The following PTPRG variants were observed in gnomAD, a reference collection of about 807,000 sequenced individuals.
The protein encoded by PTPRG is receptor-type tyrosine-protein phosphatase gamma.
A neutral mutation model predicts 165.3 loss-of-function variants in PTPRG; 102 were observed. The observed-to-expected ratio is 0.62, with a 90% CI of 0.53 to 0.73. The LOEUF is 0.73. Ranked by LOEUF, PTPRG falls within the 30% of genes least tolerant of loss-of-function variation. PTPRG has a pLI of 0.00. For synonymous variants in PTPRG, 675 were observed against 669.5 expected (o/e 1.01, Z -0.13); for missense variants, 1,866 against 1,861.4 (o/e 1.00, Z -0.05).
chr3:62,178,039 T>C (rs1400233117), intron 8 of PTPRG, among the ~76,000 whole-genome samples: 2 of 62,808 alleles, frequency 3.2e-5, no homozygotes, highest in Non-Finnish European at 2.9e-5. Flanking sequence ...GGATGGGTTG[T>C]TGGGTGGGTG....
chr3:62,061,099 A>G (rs144779447), intron 4 of PTPRG, among the ~76,000 whole-genome samples: 150 of 152,330 alleles, frequency 9.8e-4, no homozygotes, highest in African/African-American at 3.3e-3. Context: ...GTCAAATCCC[A>G]ACTAAGGTAG....
chr3:61,956,678 T>C (rs559216330), intron 2 of PTPRG, among the ~76,000 whole-genome samples: 11 of 152,314 alleles, frequency 7.2e-5, no homozygotes, highest in African/African-American at 2.6e-4. Context: ...TACTGATATA[T>C]TAAAATGAAA....
At chr3:62,026,302 G>A (rs1559753708) in intron 4 of PTPRG, among the ~76,000 whole-genome samples, 1 of 152,178 alleles carries the variant, frequency 6.6e-6, no homozygotes, top group Non-Finnish European at 1.5e-5. Flanking sequence ...CAATGTTCTT[G>A]ACATTCAAGT....
At chr3:61,919,417 A>G (rs2039023524) in intron 2 of PTPRG, among the ~76,000 whole-genome samples, 3 of 152,262 alleles carry the variant, frequency 2.0e-5, no homozygotes, top group African/African-American at 7.2e-5. Context: ...GACAGTATCC[A>G]TGTGGTCATC....
rs1467969584 is a variant in PTPRG at position 62,157,016 on chromosome 3, G to A, written c.683-51G>A. On this transcript the variant is annotated intron_variant, in intron 6 of 29. Transcript: ENST00000474889. ...GGGTGTTGACTGTGTCTGCGGCTCG[G>A]AATGGCATGACTTACCATTGTGCTT... 2.7e-6 allele frequency: 4 copies of A among 1,498,068 alleles called. No homozygotes were observed. The African/African-American group carries it at 5.5e-5, about 21-fold the overall frequency. 92.8% of individuals were successfully genotyped at this position (1,498,068 alleles called of 1,614,324 possible).
intron 2 of PTPRG, among the ~76,000 whole-genome samples, chr3:61,834,768 G>T (rs559504121): frequency 6.6e-6 from 1 of 152,204 alleles, no homozygotes; most frequent in East Asian, 1.9e-4. Context: ...AGCTGAGATC[G>T]TGCCACTGCA....
intron 5 of PTPRG, among the ~76,000 whole-genome samples, chr3:62,098,590 C>G (rs956029644): frequency 6.6e-6 from 1 of 152,112 alleles, no homozygotes; most frequent in Admixed American, 6.6e-5. Flanking sequence ...GGGAAAAGAT[C>G]AGAGGTTAAG....
intron 1 of PTPRG, among the ~76,000 whole-genome samples, chr3:61,738,320 ATATATATATATATATATG>A (rs2032833653): frequency 2.2e-5 from 2 of 91,610 alleles, no homozygotes; most frequent in East Asian, 3.2e-4. Context: ...ATACATATAT[ATATATATATATATATATG>A]TATATATATA....
intron 1 of PTPRG, among the ~76,000 whole-genome samples, chr3:61,602,548 T>A (rs1700899422): frequency 6.6e-6 from 1 of 152,232 alleles, no homozygotes; most frequent in Non-Finnish European, 1.5e-5. Context: ...CTGCCATGAA[T>A]GCTTTATGGG....
rs532493928 is a variant in PTPRG, at chr3:61,764,285, C to T, written c.190+15303C>T. On this transcript the variant is annotated intron_variant, in intron 2 of 29. Transcript: ENST00000474889. ...CTTTGGAGAAATACAGTGAGTGGAG[C>T]GTAGAAGTGAGGAGGCATGAGGGCA... Among the ~76,000 whole-genome samples, 31 of 152,028 alleles carry T rather than the reference C, an allele frequency of 2.0e-4. No individual in the cohort carries two copies. In the South Asian group the frequency reaches 2.5e-3, roughly 12 times the overall value.
chr3:61,657,437 A>G (rs1339911751), intron 1 of PTPRG, among the ~76,000 whole-genome samples: 1 of 152,114 alleles, frequency 6.6e-6, no homozygotes, highest in Non-Finnish European at 1.5e-5. Flanking sequence ...GTTTGGTACT[A>G]GCTTGGGCAA....
chr3:61,736,314 T>G (rs554001817), intron 1 of PTPRG, among the ~76,000 whole-genome samples: 3 of 152,132 alleles, frequency 2.0e-5, no homozygotes, highest in East Asian at 3.9e-4. Context: ...AGGAAGTTTT[T>G]TTTTCTTGTA....
intron 4 of PTPRG, among the ~76,000 whole-genome samples, chr3:62,038,996 A>G (rs796891383): frequency 9.2e-5 from 14 of 152,256 alleles, no homozygotes; most frequent in African/African-American, 3.4e-4. Context: ...GTGCAGTGGC[A>G]TGATCTCAGT....
intron 12 of PTPRG, among the ~76,000 whole-genome samples, chr3:62,212,405 A>T (rs1700380276): frequency 1.3e-5 from 2 of 152,218 alleles, no homozygotes; most frequent in Admixed American, 6.5e-5. Context: ...CTCTTCAAAA[A>T]TAAACAGAAT....
At chr3:61,637,044 C>T (rs544116145) in intron 1 of PTPRG, among the ~76,000 whole-genome samples, 1 of 152,298 alleles carries the variant, frequency 6.6e-6, no homozygotes, top group South Asian at 2.1e-4. Flanking sequence ...GTGGTGTGGC[C>T]TCTCTGCCAC....
chr3:61,605,571 T>A (rs13090765), intron 1 of PTPRG, among the ~76,000 whole-genome samples: 89,424 of 149,842 alleles, frequency 0.6, 29,739 homozygotes, highest in South Asian at 0.83. Flanking sequence ...TTTTATTTTT[T>A]TGTTTTTTTT....
At chr3:62,112,334 C>G (rs974592607) in intron 5 of PTPRG, among the ~76,000 whole-genome samples, 2 of 152,088 alleles carry the variant, frequency 1.3e-5, no homozygotes, top group Non-Finnish European at 2.9e-5. Flanking sequence ...AAACTCCTGA[C>G]CTCAAGCAAT....
intron 1 of PTPRG, among the ~76,000 whole-genome samples, chr3:61,610,664 T>A (rs1264813730): frequency 6.6e-6 from 1 of 152,212 alleles, no homozygotes. Flanking sequence ...CTCTGTTAAG[T>A]GACCATTCCT....
intron 5 of PTPRG, among the ~76,000 whole-genome samples, chr3:62,081,877 T>C (rs982785201): frequency 2.0e-5 from 3 of 152,204 alleles, no homozygotes; most frequent in South Asian, 2.1e-4. Flanking sequence ...CATTTTAGTA[T>C]TGAAGAACGG....
Sources: allele counts gnomAD v4.1 joint callset (sites outside exome capture counted in the v4.1 genomes callset), GRCh38; gene constraint gnomAD v4.1.1; transcripts MANE v1.5; gene names NCBI Gene and HGNC (gene_info 2026-07-23, HGNC 2026-07-21).